The following SDK1 variants were observed in gnomAD, a reference collection of about 807,000 sequenced individuals.
The protein encoded by SDK1 is protein sidekick-1.
A neutral mutation model predicts 245.5 loss-of-function variants in SDK1; 157 were observed. That is an observed-to-expected ratio of 0.64 (90% CI 0.56 to 0.73). SDK1 has a LOEUF of 0.73. SDK1 is among the 30% of genes least tolerant of loss of function. The pLI, the probability that SDK1 is intolerant of heterozygous loss-of-function variation, is 0.00. For missense variants in SDK1, 3,583 were observed against 3,002.3 expected, an observed-to-expected ratio of 1.19 and a Z score of -4.52; for synonymous variants, 1,647 against 1,278.5, an observed-to-expected ratio of 1.29 and a Z score of -6.15.
chr7:4,074,158 C>T (rs1333430074), intron 20 of SDK1, among the ~76,000 whole-genome samples: 4 of 151,966 alleles, frequency 2.6e-5, no homozygotes, highest in South Asian at 2.1e-4. Flanking sequence ...TAAGAACAGA[C>T]GAAACGAGCT....
At chr7:4,240,405 C>T (rs1786445558) in intron 42 of SDK1, among the ~76,000 whole-genome samples, 1 of 152,192 alleles carries the variant, frequency 6.6e-6, no homozygotes, top group Admixed American at 6.5e-5. Context: ...CCTGCGTGCA[C>T]TCCTTATCCT....
chr7:3,990,664 T>C (rs890040327), intron 14 of SDK1, among the ~76,000 whole-genome samples: 3 of 152,174 alleles, frequency 2.0e-5, no homozygotes, highest in Non-Finnish European at 2.9e-5. Flanking sequence ...CAGGACTGTG[T>C]CTCCTTTGTC....
intron 5 of SDK1, among the ~76,000 whole-genome samples, chr7:3,864,335 C>T (rs1455985652): frequency 6.6e-6 from 1 of 152,028 alleles, no homozygotes; most frequent in Non-Finnish European, 1.5e-5. Context: ...ATATCTTTTG[C>T]TGTCATTTTA....
intron 32 of SDK1, 34 bp from the exon 33 acceptor site, chr7:4,174,188 A>G (rs1169048700): frequency 2.5e-6 from 4 of 1,612,386 alleles, no homozygotes; most frequent in Admixed American, 1.7e-5. Context: ...GTTGACTCCC[A>G]TGGTGTGGCT....
chr7:4,129,718 A>G (rs1306206084), intron 26 of SDK1, 190 bp from the exon 27 acceptor site: 2 of 1,418,156 alleles, frequency 1.4e-6, no homozygotes, highest in Non-Finnish European at 1.8e-6. Flanking sequence ...GAGCGCAGTC[A>G]CTTTACAACC....
intron 1 of SDK1, among the ~76,000 whole-genome samples, chr7:3,317,849 A>T (rs1177920265): frequency 6.6e-6 from 1 of 152,162 alleles, no homozygotes; most frequent in Non-Finnish European, 1.5e-5. Flanking sequence ...GTAACCTTTC[A>T]TTCCAGTTTT....
At chr7:4,139,795 G>T (rs761953774) in intron 28 of SDK1, among the ~76,000 whole-genome samples, 1 of 151,948 alleles carries the variant, frequency 6.6e-6, no homozygotes, top group Non-Finnish European at 1.5e-5. Flanking sequence ...GAGCGCTATG[G>T]GACTGAGGGG....
At chr7:3,419,437 C>T (rs925184190) in intron 1 of SDK1, among the ~76,000 whole-genome samples, 2 of 152,178 alleles carry the variant, frequency 1.3e-5, no homozygotes, top group African/African-American at 4.8e-5. Flanking sequence ...GCTCCCCCTT[C>T]ACCTGCAGTG....
chr7:4,048,532 C>G (rs948196075), intron 17 of SDK1, among the ~76,000 whole-genome samples: 19 of 152,100 alleles, frequency 1.2e-4, no homozygotes, highest in African/African-American at 4.6e-4. Flanking sequence ...CGCCAGGCTC[C>G]TTGGCAACAT....
At chr7:3,778,562 A>AT (rs1218853393) in intron 4 of SDK1, among the ~76,000 whole-genome samples, 1 of 152,186 alleles carries the variant, frequency 6.6e-6, no homozygotes, top group African/African-American at 2.4e-5. Flanking sequence ...ACACATCTAT[A>AT]TTTTTACACT....
At chr7:3,712,680 G>T (rs1039209506) in intron 4 of SDK1, among the ~76,000 whole-genome samples, 38 of 152,240 alleles carry the variant, frequency 2.5e-4, no homozygotes, top group African/African-American at 9.1e-4. Flanking sequence ...GCATGGCAGT[G>T]GGCATATGAA....
chr7:3,621,583 T>G (rs765704668), intron 2 of SDK1, among the ~76,000 whole-genome samples: 3 of 152,216 alleles, frequency 2.0e-5, no homozygotes, highest in Non-Finnish European at 4.4e-5. Flanking sequence ...ATCTTCAGTT[T>G]CCACATGGAT....
chr7:4,089,752 T>C (rs748306612), intron 22 of SDK1, among the ~76,000 whole-genome samples: 4 of 152,232 alleles, frequency 2.6e-5, no homozygotes, highest in Non-Finnish European at 5.9e-5. Context: ...GGGTAATCTT[T>C]CCCTTTGATT....
At chr7:4,145,020 G>A (rs1024618340) in intron 28 of SDK1, among the ~76,000 whole-genome samples, 2 of 152,198 alleles carry the variant, frequency 1.3e-5, no homozygotes, top group African/African-American at 2.4e-5. Flanking sequence ...GCGGCCAGTG[G>A]AGAGGAGTGA....
chr7:3,958,064 G>A (rs749101357), intron 7 of SDK1: 4 of 468,368 alleles, frequency 8.5e-6, no homozygotes, highest in Non-Finnish European at 1.8e-5. Context: ...TAAAGATACA[G>A]TCAATATAGG....
At chr7:3,806,004 C>T (rs1442928537) in intron 4 of SDK1, among the ~76,000 whole-genome samples, 1 of 151,810 alleles carries the variant, frequency 6.6e-6, no homozygotes, top group African/African-American at 2.4e-5. Context: ...GTTCCTCCTC[C>T]TATAGATCTC....
intron 1 of SDK1, among the ~76,000 whole-genome samples, chr7:3,392,317 A>C (rs549730225): frequency 6.6e-6 from 1 of 152,028 alleles, no homozygotes; most frequent in Non-Finnish European, 1.5e-5. Flanking sequence ...TATTTAATTC[A>C]TGTCATTCGT....
intron 5 of SDK1, among the ~76,000 whole-genome samples, chr7:3,866,625 G>T (rs966997469): frequency 6.6e-6 from 1 of 152,156 alleles, no homozygotes; most frequent in Non-Finnish European, 1.5e-5. Context: ...TTCCACGGAG[G>T]TCGTGGACTC....
At chr7:3,350,493 T>A (rs1380145630) in intron 1 of SDK1, among the ~76,000 whole-genome samples, 1 of 152,208 alleles carries the variant, frequency 6.6e-6, no homozygotes, top group Non-Finnish European at 1.5e-5. Flanking sequence ...CAGTATTCAG[T>A]CTTCTTGGTG....
Sources: gnomAD v4.1 joint callset for allele counts (sites outside exome capture counted in the v4.1 genomes callset) on GRCh38, gnomAD v4.1.1 for gene constraint, MANE v1.5 for transcripts, NCBI Gene and HGNC (gene_info 2026-07-23, HGNC 2026-07-21) for gene names.